The following SGCD variants were observed in gnomAD, a reference collection of about 807,000 sequenced individuals.
SGCD encodes sarcoglycan delta, also known as delta-sarcoglycan.
Under a neutral mutation model 36.6 loss-of-function variants are expected in SGCD, and 18 were observed. The ratio of observed to expected loss-of-function variants is 0.49; its 90% CI spans 0.34 to 0.73. The LOEUF (loss-of-function observed/expected upper bound fraction) is 0.73. Among genes scored for constraint, SGCD ranks in the 30% least tolerant of loss-of-function variants. SGCD has a pLI of 0.01. For missense variants in SGCD, 387 were observed against 346.7 expected (o/e 1.12, Z -0.92); for synonymous variants, 133 against 130.6 (o/e 1.02, Z -0.12).
intron 7 of SGCD, among the ~76,000 whole-genome samples, chr5:156,680,187 G>A (rs1303262801): frequency 6.6e-6 from 1 of 152,082 alleles, no homozygotes; most frequent in Non-Finnish European, 1.5e-5. Flanking sequence ...TACTACAAAT[G>A]GGGAAACCGA....
the SGCD span, among the ~76,000 whole-genome samples, chr5:155,756,274 A>G: frequency 5.9e-5 from 9 of 152,250 alleles, no homozygotes; most frequent in Admixed American, 5.2e-4. Flanking sequence ...GGGATTATCC[A>G]TAGGGTACTG....
chr5:156,109,090 G>C (rs1761720860), intron 1 of SGCD, among the ~76,000 whole-genome samples: 1 of 152,062 alleles, frequency 6.6e-6, no homozygotes, highest in Non-Finnish European at 1.5e-5. Flanking sequence ...AGTTACTAAT[G>C]ACTTAACAAG....
chr5:156,230,466 C>T (rs993171584), intron 3 of SGCD, among the ~76,000 whole-genome samples: 2 of 152,160 alleles, frequency 1.3e-5, no homozygotes, highest in Non-Finnish European at 2.9e-5. Context: ...GATCTAGCCA[C>T]CCAGTAAGTC....
intron 3 of SGCD, among the ~76,000 whole-genome samples, chr5:156,278,523 A>C (rs1766375710): frequency 6.6e-6 from 1 of 152,170 alleles, no homozygotes; most frequent in Non-Finnish European, 1.5e-5. Flanking sequence ...CCCCAGAAAA[A>C]ATCAAGGTGA....
chr5:156,500,746 G>A (rs183617741), intron 3 of SGCD, among the ~76,000 whole-genome samples: 5 of 152,226 alleles, frequency 3.3e-5, no homozygotes, highest in Non-Finnish European at 2.9e-5. Flanking sequence ...TCAGTCTTTA[G>A]TATCCCTAGG....
In SGCD at chr5:156,588,827, C is replaced by T. The variant is rs374424744; in HGVS notation, c.295-404C>T. 2.0e-5 allele frequency among the ~76,000 whole-genome samples: 3 copies of T among 152,334 alleles called. No individual in the cohort carries two copies. In the East Asian group the frequency reaches 5.8e-4, roughly 29 times the overall value. On this transcript the variant is annotated intron_variant, in intron 4 of 8. Transcript: ENST00000337851. ...TTCCTGCTCTTCTATAAGGACTCTG[C>T]ATGGGTCTTTTGAAGAAAGGATGAC...
At chr5:156,576,175 T>G (rs1177650790) in intron 4 of SGCD, among the ~76,000 whole-genome samples, 1 of 151,596 alleles carries the variant, frequency 6.6e-6, no homozygotes, top group East Asian at 1.9e-4. Context: ...ACATGCGGTG[T>G]TTGGTTTTCT....
chr5:155,936,072 C>T (rs181447639), intron 1 of SGCD, among the ~76,000 whole-genome samples: 217 of 152,272 alleles, frequency 1.4e-3, no homozygotes, highest in Non-Finnish European at 1.5e-3. Flanking sequence ...TGCCAGGAAT[C>T]ACAGAGGCCC....
At chr5:155,989,288 T>C (rs556882919) in intron 1 of SGCD, among the ~76,000 whole-genome samples, 1 of 152,346 alleles carries the variant, frequency 6.6e-6, no homozygotes, top group African/African-American at 2.4e-5. Context: ...ATATGTTTTA[T>C]GTATAGAATT....
intron 6 of SGCD, among the ~76,000 whole-genome samples, chr5:156,604,975 A>G (rs1761366750): frequency 6.6e-6 from 1 of 151,746 alleles, no homozygotes; most frequent in Non-Finnish European, 1.5e-5. Context: ...TGAAAGATTT[A>G]CATAGTACCA....
chr5:155,788,606 C>G, the SGCD span, among the ~76,000 whole-genome samples: 1 of 152,100 alleles, frequency 6.6e-6, no homozygotes, highest in Non-Finnish European at 1.5e-5. Flanking sequence ...TTCACTAGGT[C>G]TTCTATAGCA....
the SGCD span, among the ~76,000 whole-genome samples, chr5:155,807,833 T>G: frequency 6.6e-6 from 1 of 152,338 alleles, no homozygotes; most frequent in African/African-American, 2.4e-5. Context: ...AGACTCTTTA[T>G]GGAGAGAGGA....
At chr5:156,222,509 T>G (rs1213417663) in intron 3 of SGCD, among the ~76,000 whole-genome samples, 2 of 152,122 alleles carry the variant, frequency 1.3e-5, no homozygotes, top group African/African-American at 4.8e-5. Flanking sequence ...TGAGGTACAT[T>G]GCTGTTATAT....
intron 7 of SGCD, among the ~76,000 whole-genome samples, chr5:156,698,880 C>CAA (rs1491057599): frequency 1.3e-5 from 2 of 150,588 alleles, no homozygotes; most frequent in African/African-American, 4.9e-5. Context: ...CACACACACA[C>CAA]AGCATTTAGT....
chr5:156,433,278 A>G (rs1350622302), intron 3 of SGCD, among the ~76,000 whole-genome samples: 2 of 152,144 alleles, frequency 1.3e-5, no homozygotes, highest in East Asian at 3.8e-4. Context: ...AATTTCTGAA[A>G]TGGCATCTCT....
chr5:156,571,141 G>T (rs1348971479), intron 4 of SGCD, among the ~76,000 whole-genome samples: 2 of 152,152 alleles, frequency 1.3e-5, no homozygotes, highest in Non-Finnish European at 2.9e-5. Context: ...TGCCTCCAGG[G>T]TTCAAGTGAT....
chr5:156,247,140 A>G (rs1190638595), intron 3 of SGCD, among the ~76,000 whole-genome samples: 2 of 152,210 alleles, frequency 1.3e-5, no homozygotes, highest in Admixed American at 1.3e-4. Context: ...AGAATAAGAA[A>G]TTAGAGAATC....
At chr5:155,823,304 GAAAA>G in the SGCD span, among the ~76,000 whole-genome samples, 2,434 of 110,506 alleles carry the variant, frequency 0.022, 87 homozygotes, top group African/African-American at 0.068. Flanking sequence ...CAGTGAAGCA[GAAAA>G]AAAAAAAAAA....
chr5:156,230,989 C>T (rs1446494004), intron 3 of SGCD, among the ~76,000 whole-genome samples: 3 of 151,618 alleles, frequency 2.0e-5, no homozygotes, highest in Non-Finnish European at 4.4e-5. Flanking sequence ...TAAGGATACA[C>T]AAAAAGCAAA....
Sources: allele counts gnomAD v4.1 joint callset (sites outside exome capture counted in the v4.1 genomes callset), GRCh38; gene constraint gnomAD v4.1.1; transcripts MANE v1.5; gene names NCBI Gene and HGNC (gene_info 2026-07-23, HGNC 2026-07-21).